CCDC102B: variants seen among roughly 807,000 people sequenced by gnomAD.
The protein encoded by CCDC102B is coiled-coil domain-containing protein 102B.
In CCDC102B, 75 loss-of-function variants were observed where a neutral mutation model predicts 57.4. The observed-to-expected ratio is 1.31, with a 90% CI of 1.08 to 1.58. CCDC102B has a LOEUF of 1.58. CCDC102B is among the 40% of genes most tolerant of loss of function. The pLI, the probability that CCDC102B is intolerant of heterozygous loss-of-function variation, is 0.00. For missense variants in CCDC102B, 636 were observed against 582.6 expected (o/e 1.09, Z -0.94); for synonymous variants, 206 against 201.9 (o/e 1.02, Z -0.17).
chr18:69,000,014 A>G (rs957412189), intron 6 of CCDC102B, among the ~76,000 whole-genome samples: 1 of 152,166 alleles, frequency 6.6e-6, no homozygotes, highest in African/African-American at 2.4e-5. Flanking sequence ...AAAGAAATGT[A>G]TCAAAGGAAA....
intron 4 of CCDC102B, among the ~76,000 whole-genome samples, chr18:68,860,791 C>T (rs1206012918): frequency 3.3e-5 from 4 of 123,008 alleles, no homozygotes; most frequent in African/African-American, 8.2e-5. Flanking sequence ...ATTTATAGCA[C>T]ACTATATACT....
chr18:68,837,737 C>T (rs1303111755), intron 2 of CCDC102B, among the ~76,000 whole-genome samples: 2 of 152,254 alleles, frequency 1.3e-5, no homozygotes, highest in South Asian at 2.1e-4. Context: ...AACTAAATCA[C>T]CTCCCTAAAG....
At chr18:68,717,682 C>T (rs1321326724) in intron 2 of CCDC102B, among the ~76,000 whole-genome samples, 1 of 152,058 alleles carries the variant, frequency 6.6e-6, no homozygotes, top group East Asian at 1.9e-4. Flanking sequence ...GTGTTTTTTT[C>T]TGCTTATCTA....
At chr18:68,921,185 T>C (rs984890247) in intron 6 of CCDC102B, among the ~76,000 whole-genome samples, 9 of 152,288 alleles carry the variant, frequency 5.9e-5, no homozygotes, top group Admixed American at 5.2e-4. Flanking sequence ...ATGGTTTGGC[T>C]GTATCCCCAC....
chr18:69,015,804 T>A (rs2051649043), intron 7 of CCDC102B, among the ~76,000 whole-genome samples: 1 of 152,208 alleles, frequency 6.6e-6, no homozygotes, highest in South Asian at 2.1e-4. Context: ...CTTCATCATT[T>A]TACTAAAGTT....
At chr18:68,971,724 G>A (rs1403403409) in intron 6 of CCDC102B, among the ~76,000 whole-genome samples, 2 of 152,172 alleles carry the variant, frequency 1.3e-5, no homozygotes, top group African/African-American at 4.8e-5. Context: ...TTCCCCATTT[G>A]GAGTGAGGTT....
chr18:68,898,962 G>C (rs1466549558), intron 6 of CCDC102B, among the ~76,000 whole-genome samples: 1 of 152,080 alleles, frequency 6.6e-6, no homozygotes, highest in African/African-American at 2.4e-5. Flanking sequence ...GGCACACCGA[G>C]TCCAGACCTG....
rs1174640024 is a variant in CCDC102B at position 68,911,360 on chromosome 18, CACTT to C, written c.1263+13935_1263+13938del. 3.3e-5 allele frequency among the ~76,000 whole-genome samples: 5 copies of C among 152,226 alleles called. No individual in the cohort carries two copies. The East Asian group carries it at 5.8e-4, about 18-fold the overall frequency. On this transcript the variant is annotated intron_variant, in intron 6 of 7. Transcript: ENST00000360242. ...CAGAAAACCAAATAAAGCATGTTCTCACTTACAAGAGGGTGTTAAATGATGAGAA... is the reference window on the plus strand; with the variant it reads ...CAGAAAACCAAATAAAGCATGTTCTCACAAGAGGGTGTTAAATGATGAGAA...
chr18:68,882,212 C>G (rs575355063), intron 5 of CCDC102B, among the ~76,000 whole-genome samples: 1 of 152,278 alleles, frequency 6.6e-6, no homozygotes, highest in East Asian at 1.9e-4. Flanking sequence ...ATTGTTACCA[C>G]TTAGACAATA....
At chr18:68,951,297 T>A (rs965451734) in intron 6 of CCDC102B, among the ~76,000 whole-genome samples, 2 of 152,140 alleles carry the variant, frequency 1.3e-5, no homozygotes, top group African/African-American at 4.8e-5. Flanking sequence ...TATTTGAAGA[T>A]TCCGAGTCCA....
chr18:68,954,681 G>A (rs2049794055), intron 6 of CCDC102B, among the ~76,000 whole-genome samples: 1 of 152,142 alleles, frequency 6.6e-6, no homozygotes, highest in South Asian at 2.1e-4. Flanking sequence ...GAGATTTCAC[G>A]AAGCTTTAAA....
chr18:68,789,257 T>C lies in CCDC102B; in HGVS notation c.-66-34109T>C, dbSNP rs200044749. ...ACCCGACCTTTCTCTCTGGCTGCCCTTAACATTTTTTCCTTCATTTCAGCT... is the reference window on the plus strand; with the variant it reads ...ACCCGACCTTTCTCTCTGGCTGCCCCTAACATTTTTTCCTTCATTTCAGCT... On this transcript the variant is annotated intron_variant, in intron 2 of 3. Coordinates refer to the CCDC102B transcript ENST00000578970. Among the ~76,000 whole-genome samples, 87 of 152,230 alleles carry C rather than the reference T, an allele frequency of 5.7e-4. 1 individual carries two copies. In the East Asian group the frequency reaches 0.016, roughly 28 times the overall value.
At chr18:68,903,810 G>A (rs2040531775) in intron 6 of CCDC102B, among the ~76,000 whole-genome samples, 1 of 152,186 alleles carries the variant, frequency 6.6e-6, no homozygotes, top group Non-Finnish European at 1.5e-5. Context: ...CTTTCAGAAA[G>A]TCAGTGTGCC....
intron 2 of CCDC102B, among the ~76,000 whole-genome samples, chr18:68,791,164 G>A (rs2035445768): frequency 6.6e-6 from 1 of 152,198 alleles, no homozygotes; most frequent in Non-Finnish European, 1.5e-5. Flanking sequence ...TGTCTTGAAA[G>A]AGATTATTTA....
chr18:68,827,862 A>G (rs555646046), intron 1 of CCDC102B, among the ~76,000 whole-genome samples: 50 of 152,112 alleles, frequency 3.3e-4, no homozygotes, highest in African/African-American at 1.2e-3. Context: ...GATGGAAAAA[A>G]GTAACTTGGA....
intron 5 of CCDC102B, among the ~76,000 whole-genome samples, chr18:68,891,082 C>G (rs1190828637): frequency 1.3e-5 from 2 of 152,076 alleles, no homozygotes; most frequent in African/African-American, 4.8e-5. Flanking sequence ...ATCTGTATCT[C>G]TTTTAAACTG....
At chr18:69,043,421 C>A (rs56317402) in intron 7 of CCDC102B, among the ~76,000 whole-genome samples, 1 of 152,096 alleles carries the variant, frequency 6.6e-6, no homozygotes, top group Non-Finnish European at 1.5e-5. Context: ...GGCTTGGGGA[C>A]GGTCAGGTCT....
rs568959339 is a variant in CCDC102B at position 68,747,792 on chromosome 18, T to A, written c.-67+31198T>A. 2.6e-5 allele frequency among the ~76,000 whole-genome samples: 4 copies of A among 152,296 alleles called. No individual in the cohort carries two copies. The East Asian group carries it at 7.7e-4, about 29-fold the overall frequency. On this transcript the variant is annotated intron_variant, in intron 2 of 3. Coordinates refer to the CCDC102B transcript ENST00000578970. ...TTGCAATGGACATTAGGTTGTTGGG[T>A]GTTGGCCACTGTGAATAATGTTGCG...
intron 2 of CCDC102B, among the ~76,000 whole-genome samples, chr18:68,757,090 T>G (rs1464792456): frequency 6.6e-6 from 1 of 152,176 alleles, no homozygotes; most frequent in Non-Finnish European, 1.5e-5. Flanking sequence ...CCTTAACTAT[T>G]ACCAGAAAGC....
Sources: allele counts gnomAD v4.1 joint callset (sites outside exome capture counted in the v4.1 genomes callset), GRCh38; gene constraint gnomAD v4.1.1; transcripts MANE v1.5; gene names NCBI Gene and HGNC (gene_info 2026-07-23, HGNC 2026-07-21).